RAPGEF4: variants seen among roughly 807,000 people sequenced by gnomAD.
The protein encoded by RAPGEF4 is Rap guanine nucleotide exchange factor 4.
Under a neutral mutation model 147.9 loss-of-function variants are expected in RAPGEF4, and 66 were observed. That is an observed-to-expected ratio of 0.45 (90% CI 0.37 to 0.55). The LOEUF (loss-of-function observed/expected upper bound fraction) is 0.55. RAPGEF4 is among the 20% of genes least tolerant of loss of function. The pLI is 0.00. For synonymous variants in RAPGEF4, 419 were observed against 442.7 expected, an observed-to-expected ratio of 0.95 and a Z score of 0.67; for missense variants, 1,071 against 1,257.3, an observed-to-expected ratio of 0.85 and a Z score of 2.24.
chr2:173,013,422 A>G (rs3769229), intron 17 of RAPGEF4, among the ~76,000 whole-genome samples: 1 of 152,220 alleles, frequency 6.6e-6, no homozygotes, highest in African/African-American at 2.4e-5. Flanking sequence ...AAATGGAGCG[A>G]CACTTTCATC....
At position 172,917,820 on chromosome 2, in the gene RAPGEF4, G is replaced by T. The variant is rs1198816186; in HGVS notation, c.463G>T (p.Ala155Ser). The T allele has an allele frequency of 6.2e-7, 1 of 1,613,438 alleles. No homozygotes were observed. Among genetic ancestry groups the T allele is most frequent in the Non-Finnish European group, 8.5e-7 (1 of 1,179,556 alleles). Residue 155 changes from alanine (A) to serine (S), a missense_variant, in exon 5 of 31, where the codon GCA becomes TCA. Ala to Ser is a moderately conservative substitution (Grantham distance 99). Coordinates refer to ENST00000397081, the MANE Select transcript of RAPGEF4 (RefSeq NM_007023.4). Reference sequence around the variant, plus strand: ...CTTTCAGAAATATCGACAGTATATGGCAGGACTTCTGGCTCCTCCTTATGG... The same window carrying T: ...CTTTCAGAAATATCGACAGTATATGTCAGGACTTCTGGCTCCTCCTTATGG... ...ALWEKYRQYMAGLLAPPYGVM... is the reference protein window; with the variant it reads ...ALWEKYRQYMSGLLAPPYGVM...
chr2:172,833,205 G>A (rs377048545), intron 4 of RAPGEF4, among the ~76,000 whole-genome samples: 56 of 131,114 alleles, frequency 4.3e-4, no homozygotes, highest in Admixed American at 5.6e-4. Flanking sequence ...CTCCGTCTCA[G>A]AAAAAAAAAA....
chr2:173,046,119 C>T (rs1011914375), intron 29 of RAPGEF4, among the ~76,000 whole-genome samples: 1 of 152,172 alleles, frequency 6.6e-6, no homozygotes, highest in Non-Finnish European at 1.5e-5. Flanking sequence ...AAGAATGGAC[C>T]TCGCTGTGAA....
intron 10 of RAPGEF4, among the ~76,000 whole-genome samples, chr2:172,980,614 G>C (rs572613661): frequency 6.6e-6 from 1 of 152,166 alleles, no homozygotes; most frequent in Non-Finnish European, 1.5e-5. Context: ...TTCAAAAGGA[G>C]CTGGAATTCT....
chr2:172,818,874 G>GT (rs1390000847), intron 4 of RAPGEF4, among the ~76,000 whole-genome samples: 1 of 152,074 alleles, frequency 6.6e-6, no homozygotes, highest in Non-Finnish European at 1.5e-5. Context: ...AGAACCACAC[G>GT]TAAGGTTTTG....
chr2:172,778,721 A>C (rs1684406582), intron 1 of RAPGEF4, among the ~76,000 whole-genome samples: 1 of 152,170 alleles, frequency 6.6e-6, no homozygotes, highest in African/African-American at 2.4e-5. Context: ...TTCAGAAGAG[A>C]CTTAGTACAT....
At position 172,825,454 on chromosome 2, in the gene RAPGEF4, A is replaced by G. The variant is rs115374354; in HGVS notation, c.444+11029A>G. ...ACTGGCTCTATGTGTGTCCAATATAACAGGCATTGCTATTGCAATTGTGTT... is the reference window on the plus strand; with the variant it reads ...ACTGGCTCTATGTGTGTCCAATATAGCAGGCATTGCTATTGCAATTGTGTT... On this transcript the variant is annotated intron_variant, in intron 4 of 30. Transcript: ENST00000397081. 2.9e-3 allele frequency among the ~76,000 whole-genome samples: 447 copies of G among 152,310 alleles called. 2 individuals carry two copies. The highest frequency in any genetic ancestry group is 0.01 in the African/African-American group (417 of 41,582).
chr2:172,817,859 T>G (rs1221081997), intron 4 of RAPGEF4, among the ~76,000 whole-genome samples: 2 of 131,544 alleles, frequency 1.5e-5, no homozygotes, highest in Non-Finnish European at 3.2e-5. Context: ...ATTCAATGAG[T>G]GGATAAAGAA....
intron 12 of RAPGEF4, among the ~76,000 whole-genome samples, chr2:172,986,644 C>A (rs142168099): frequency 3.1e-4 from 47 of 151,768 alleles, no homozygotes; most frequent in African/African-American, 1.1e-3. Context: ...GAGTATATTA[C>A]AATTACCTTC....
At chr2:172,965,120 TA>T (rs1689691192) in intron 8 of RAPGEF4, 1 of 170,152 alleles carries the variant, frequency 5.9e-6, no homozygotes, top group Non-Finnish European at 1.3e-5. Context: ...GTGCCTTTCA[TA>T]GCACCTCTGA....
chr2:173,047,230 A>G (rs1255573462), intron 29 of RAPGEF4, among the ~76,000 whole-genome samples: 26 of 152,160 alleles, frequency 1.7e-4, no homozygotes, highest in Admixed American at 1.7e-3. Context: ...AGGTCTCATC[A>G]GTGTTTTTCC....
intron 4 of RAPGEF4, chr2:172,821,905 A>G: frequency 1.9e-6 from 3 of 1,612,424 alleles, no homozygotes; most frequent in Non-Finnish European, 1.7e-6. Context: ...TGCTGATCAA[A>G]TAAAGGATAG....
intron 15 of RAPGEF4, among the ~76,000 whole-genome samples, chr2:172,993,075 G>A (rs1471534616): frequency 6.6e-6 from 1 of 152,134 alleles, no homozygotes; most frequent in African/African-American, 2.4e-5. Flanking sequence ...TGTTGGTGCT[G>A]CTAATAATGT....
chr2:173,000,514 G>C (rs1693789564), intron 16 of RAPGEF4, among the ~76,000 whole-genome samples: 1 of 152,092 alleles, frequency 6.6e-6, no homozygotes, highest in Admixed American at 6.6e-5. Flanking sequence ...GGCTAGCCAG[G>C]GCATGTTGTC....
rs76443145 is a variant in RAPGEF4 at position 172,735,875 on chromosome 2, C to T, written c.-109C>T. On this transcript the variant is annotated 5_prime_UTR_variant, in exon 1 of 31. Transcript: ENST00000397081. ...TGTCGCAGCCGCGCTGGTCGCCAGGCGTCCGGGAGGAGCGGGGTCCGCGCG... is the reference window on the plus strand; with the variant it reads ...TGTCGCAGCCGCGCTGGTCGCCAGGTGTCCGGGAGGAGCGGGGTCCGCGCG... The T allele has an allele frequency of 6.3e-6, 6 of 946,432 alleles. No individual in the cohort carries two copies. In the African/African-American group the frequency reaches 1.1e-4, roughly 17 times the overall value. 58.6% of individuals were successfully genotyped at this position (946,432 alleles called of 1,614,324 possible).
chr2:172,889,982 G>A (rs1419252250), intron 4 of RAPGEF4: 1 of 288,164 alleles, frequency 3.5e-6, no homozygotes, highest in African/African-American at 2.3e-5. Context: ...AAAGATGCAT[G>A]CTTCAATATT....
intron 10 of RAPGEF4, among the ~76,000 whole-genome samples, chr2:172,973,294 A>G (rs907934575): frequency 6.6e-6 from 1 of 151,308 alleles, no homozygotes; most frequent in Non-Finnish European, 1.5e-5. Context: ...TTAGTTTTTT[A>G]TAGAGACAAG....
chr2:173,008,005 ATCT>A, intron 17 of RAPGEF4, among the ~76,000 whole-genome samples: 1 of 152,148 alleles, frequency 6.6e-6, no homozygotes, highest in Non-Finnish European at 1.5e-5. Flanking sequence ...TCGAATTGTA[ATCT>A]GAATTTTAAT....
chr2:172,796,421 TA>T (rs1390574839), intron 2 of RAPGEF4, among the ~76,000 whole-genome samples: 3 of 152,086 alleles, frequency 2.0e-5, no homozygotes, highest in Admixed American at 2.0e-4. Flanking sequence ...CTGTCTCTAC[TA>T]AAAATACAAA....
Sources: allele counts gnomAD v4.1 joint callset (sites outside exome capture counted in the v4.1 genomes callset), GRCh38; gene constraint gnomAD v4.1.1; transcripts MANE v1.5; gene names NCBI Gene and HGNC (gene_info 2026-07-23, HGNC 2026-07-21).